JARID2: variants seen among roughly 807,000 people sequenced by gnomAD.
The protein encoded by JARID2 is jumonji and AT-rich interaction domain containing 2.
JARID2 carries 21 observed loss-of-function variants against 125.6 expected under a neutral mutation model. The ratio of observed to expected loss-of-function variants is 0.17; its 90% CI spans 0.12 to 0.24. JARID2 has a LOEUF of 0.24. Ranked by LOEUF, JARID2 falls within the 10% of genes least tolerant of loss-of-function variation. The pLI is 1.00. For synonymous variants in JARID2, 736 were observed against 661.6 expected (o/e 1.11, Z -1.73); for missense variants, 1,303 against 1,639.6 (o/e 0.79, Z 3.55).
chr6:15,509,219 T>C, intron 12 of JARID2: 1 of 1,216,406 alleles, frequency 8.2e-7, no homozygotes, highest in Admixed American at 3.0e-5. Flanking sequence ...TTGGTGTCTT[T>C]GTTTACGGCG....
At chr6:15,380,838 AAAAT>A (rs1764553457) in intron 2 of JARID2, among the ~76,000 whole-genome samples, 1 of 152,166 alleles carries the variant, frequency 6.6e-6, no homozygotes, top group Admixed American at 6.5e-5. Context: ...TTTGTGAATC[AAAAT>A]AAAAAAATGT....
chr6:15,483,624 G>GAT (rs1769728579), intron 5 of JARID2, among the ~76,000 whole-genome samples: 1 of 152,122 alleles, frequency 6.6e-6, no homozygotes, highest in Non-Finnish European at 1.5e-5. Flanking sequence ...TCATTGTATG[G>GAT]ATATACCACT....
chr6:15,386,613 C>T (rs182033260), intron 2 of JARID2, among the ~76,000 whole-genome samples: 20 of 152,316 alleles, frequency 1.3e-4, no homozygotes, highest in African/African-American at 4.1e-4. Flanking sequence ...TGAGCCACTT[C>T]GCCTGGCCGG....
intron 2 of JARID2, among the ~76,000 whole-genome samples, chr6:15,385,557 T>C (rs984684543): frequency 6.6e-6 from 1 of 151,528 alleles, no homozygotes; most frequent in Admixed American, 6.6e-5. Flanking sequence ...TTTATATAGA[T>C]AATTATCTAA....
At chr6:15,455,225 C>G (rs1768106434) in intron 4 of JARID2, among the ~76,000 whole-genome samples, 1 of 149,634 alleles carries the variant, frequency 6.7e-6, no homozygotes, top group Non-Finnish European at 1.5e-5. Flanking sequence ...TGATATGGGA[C>G]TCTTAATTTG....
chr6:15,382,297 GT>G (rs1269473981), intron 2 of JARID2, among the ~76,000 whole-genome samples: 3 of 152,162 alleles, frequency 2.0e-5, no homozygotes, highest in Non-Finnish European at 2.9e-5. Context: ...GAGTGTATGG[GT>G]GAGTGCAGGA....
At chr6:15,442,547 C>T (rs943480957) in intron 3 of JARID2, among the ~76,000 whole-genome samples, 6 of 152,302 alleles carry the variant, frequency 3.9e-5, no homozygotes, top group South Asian at 2.1e-4. Context: ...CAGTCTTTGA[C>T]GAGAAGAGTA....
chr6:15,366,591 G>A (rs1433171992), intron 1 of JARID2, among the ~76,000 whole-genome samples: 1 of 151,760 alleles, frequency 6.6e-6, no homozygotes, highest in East Asian at 1.9e-4. Context: ...TAATAAAGAG[G>A]CTCTGTGTTA....
At chr6:15,469,347 CTCTCTCTCTCTCTCCTCCCCT>C (rs1768932121) in intron 5 of JARID2, among the ~76,000 whole-genome samples, 1 of 36,116 alleles carries the variant, frequency 2.8e-5, no homozygotes, top group African/African-American at 8.6e-5. Flanking sequence ...CTGTCTCTCT[CTCTCTCTCTCTCTCCTCCCCT>C]TCTCCCCCTC....
intron 2 of JARID2, among the ~76,000 whole-genome samples, chr6:15,397,980 A>G (rs1765280489): frequency 6.6e-6 from 1 of 152,232 alleles, no homozygotes; most frequent in Non-Finnish European, 1.5e-5. Context: ...GTAATAATGA[A>G]AATGGATAGG....
chr6:15,367,401 C>T (rs1303143031), intron 1 of JARID2, among the ~76,000 whole-genome samples: 2 of 152,164 alleles, frequency 1.3e-5, no homozygotes, highest in Non-Finnish European at 2.9e-5. Context: ...AAAATTCCTT[C>T]CCCTACTCCC....
chr6:15,404,956 A>G (rs1765589167), intron 2 of JARID2, among the ~76,000 whole-genome samples: 1 of 152,216 alleles, frequency 6.6e-6, no homozygotes, highest in Non-Finnish European at 1.5e-5. Context: ...ACATCATAAA[A>G]TGATACAGAC....
chr6:15,419,317 C>G (rs567208080), intron 3 of JARID2, among the ~76,000 whole-genome samples: 58 of 152,212 alleles, frequency 3.8e-4, no homozygotes, highest in African/African-American at 1.4e-3. Context: ...CTCTCTACTA[C>G]AGAAAGTAAA....
intron 1 of JARID2, among the ~76,000 whole-genome samples, chr6:15,371,061 T>C (rs1581468139): frequency 6.6e-6 from 1 of 152,244 alleles, no homozygotes; most frequent in African/African-American, 2.4e-5. Flanking sequence ...GTGTAGCATT[T>C]GAAACCCCAT....
At position 15,474,300 on chromosome 6, in the gene JARID2, C is replaced by A. The variant is rs1255128469; in HGVS notation, c.670+5582C>A. ...AATATTCTCAGCTGTGGAATATTCT[C>A]ATGCCCAACATTGCTACTTCCTCAA... On this transcript the variant is annotated intron_variant, in intron 5 of 17. Coordinates refer to ENST00000341776, the MANE Select transcript of JARID2 (RefSeq NM_004973.4). Among the ~76,000 whole-genome samples, 3 of 152,218 alleles carry A rather than the reference C, an allele frequency of 2.0e-5. No homozygotes were observed. The East Asian group carries it at 5.8e-4, about 29-fold the overall frequency.
At chr6:15,414,354 A>C (rs892834600) in intron 3 of JARID2, among the ~76,000 whole-genome samples, 5 of 150,866 alleles carry the variant, frequency 3.3e-5, no homozygotes, top group African/African-American at 7.3e-5. Context: ...TCTGCAGAAA[A>C]CCCCCTGAGT....
intron 1 of JARID2, among the ~76,000 whole-genome samples, chr6:15,372,019 A>G (rs1362892706): frequency 6.6e-6 from 1 of 152,102 alleles, no homozygotes; most frequent in African/African-American, 2.4e-5. Context: ...ATGGAGAATT[A>G]CTCTCATTCT....
intron 3 of JARID2, among the ~76,000 whole-genome samples, chr6:15,444,677 C>T (rs1436384792): frequency 3.3e-5 from 5 of 150,832 alleles, no homozygotes; most frequent in African/African-American, 1.2e-4. Context: ...GCTCCCACAC[C>T]GGCACAAAGA....
In JARID2 at chr6:15,509,437, G is replaced by T. The variant is rs1312005512; in HGVS notation, c.2846+983G>T. 3 of 824,202 alleles carry T rather than the reference G, an allele frequency of 3.6e-6. No homozygotes were observed. The African/African-American group carries it at 5.6e-5, about 15-fold the overall frequency. 51.1% of individuals were successfully genotyped at this position (824,202 alleles called of 1,614,324 possible). A position where few individuals can be genotyped will look rare whatever the true frequency, so the allele number is the denominator to read the frequency against. ...CCTCATTTTGGCTGTTCTGGTGAGT[G>T]GTGCTGTGGACATGAGGGAGCCCTC... On this transcript the variant is annotated intron_variant, in intron 12 of 17. Coordinates refer to ENST00000341776, the MANE Select transcript of JARID2 (RefSeq NM_004973.4).
Sources: gnomAD v4.1 joint callset for allele counts (sites outside exome capture counted in the v4.1 genomes callset) on GRCh38, gnomAD v4.1.1 for gene constraint, MANE v1.5 for transcripts, NCBI Gene and HGNC (gene_info 2026-07-23, HGNC 2026-07-21) for gene names.